Variants in SPTB observed in about 807,000 individuals in gnomAD.
The protein encoded by SPTB is spectrin beta chain, erythrocytic.
SPTB carries 45 observed loss-of-function variants against 256.2 expected under a neutral mutation model. That is an observed-to-expected ratio of 0.18 (90% CI 0.14 to 0.23). SPTB has a LOEUF of 0.23. Ranked by LOEUF, SPTB falls within the 10% of genes least tolerant of loss-of-function variation. The probability of loss-of-function intolerance (pLI) is 1.00; values close to 1 mark genes in which losing one functional copy is unlikely to be tolerated. For synonymous variants in SPTB, 1,231 were observed against 1,243.1 expected (o/e 0.99, Z 0.21); for missense variants, 2,715 against 3,040.4 (o/e 0.89, Z 2.52).
intron 2 of SPTB, among the ~76,000 whole-genome samples, chr14:64,814,660 C>T (rs1365287555): frequency 6.6e-6 from 1 of 152,152 alleles, no homozygotes; most frequent in Non-Finnish European, 1.5e-5. Context: ...GGATCACAGG[C>T]ATGTGCCACC....
rs2082077130 is a variant in SPTB, at chr14:64,760,400, A to G, written c.6345+6326T>C. ...ACTGCACACAGACAACAAACTCCTC[A>G]GGCTCCCAGGAGAAACACAACCTGG... On this transcript the variant is annotated intron_variant, in intron 32 of 35. Transcript: ENST00000644917. The surrounding 1 kb of genome is among the most constrained non-coding windows in gnomAD (Gnocchi z 4.3). Among the ~76,000 whole-genome samples, 1 of 152,154 alleles carries G rather than the reference A, an allele frequency of 6.6e-6. No homozygotes were observed. Among genetic ancestry groups the G allele is most frequent in the South Asian group, 2.1e-4 (1 of 4,824 alleles).
chr14:64,760,812 C>T lies in SPTB; in HGVS notation c.6345+5914G>A, dbSNP rs559050813. 2.0e-5 allele frequency among the ~76,000 whole-genome samples: 3 copies of T among 152,150 alleles called. No homozygotes were observed. The highest frequency in any genetic ancestry group is 6.5e-5 in the Admixed American group (1 of 15,274). Reference sequence around the variant, plus strand: ...GTTACAAATGAGGGAAACTGGGGGTCGTACAGAATGAGTGACCTGTCCATA... The same window carrying T: ...GTTACAAATGAGGGAAACTGGGGGTTGTACAGAATGAGTGACCTGTCCATA... On this transcript the variant is annotated intron_variant, in intron 32 of 35. Coordinates refer to ENST00000644917, the MANE Select transcript of SPTB (RefSeq NM_001355436.2). This position sits in a 1 kb window ranked among gnomAD's most constrained non-coding sequence, Gnocchi z 4.3.
chr14:64,836,241 C>G (rs2083520026), intron 1 of SPTB, among the ~76,000 whole-genome samples: 1 of 152,124 alleles, frequency 6.6e-6, no homozygotes, highest in African/African-American at 2.4e-5. Context: ...GTAGCCTCCC[C>G]CTCTATTTAC....
At position 64,795,907 on chromosome 14, in the gene SPTB, G is replaced by A. The variant is rs2139604511; in HGVS notation, c.1342-268C>T. On this transcript the variant is annotated intron_variant, in intron 11 of 35. Coordinates refer to ENST00000644917, the MANE Select transcript of SPTB (RefSeq NM_001355436.2). This position sits in a 1 kb window ranked among gnomAD's most constrained non-coding sequence, Gnocchi z 6.5. The stretch of plus-strand genomic sequence containing the variant: ...ATGCAGCCTGCGTGTTACTAATGGA[G>A]CCCCTTGGCAGCCTGCTGGCACTCC... Among the ~76,000 whole-genome samples, 1 of 152,290 alleles carries A rather than the reference G, an allele frequency of 6.6e-6. No homozygotes were observed.
chr14:64,786,418 T>C lies in SPTB; in HGVS notation c.3547A>G (p.Ile1183Val), dbSNP rs1007738752. Residue 1183 changes from isoleucine to valine, a missense_variant, in exon 16 of 36, where the codon ATC becomes GTC. Ile to Val is a conservative substitution (Grantham distance 29). Coordinates refer to ENST00000644917, the MANE Select transcript of SPTB (RefSeq NM_001355436.2). The surrounding 1 kb of genome is among the most constrained non-coding windows in gnomAD (Gnocchi z 5.6). ...TGCCTCTCTACCTGGTTGCTGAGGA[T>C]GGCTTCAGCCTGCTTGGCATCTTTC... is the stretch of plus-strand genomic sequence containing the variant. ...FQKDAKQAEA[I>V]LSNQEYTLAH... 5.0e-6 allele frequency: 8 copies of C among 1,613,972 alleles called. No individual in the cohort carries two copies. The highest frequency in any genetic ancestry group is 6.8e-6 in the Non-Finnish European group (8 of 1,180,028).
At position 64,824,927 on chromosome 14, in the gene SPTB, T is replaced by C. The variant is rs746101989; in HGVS notation, c.-51-1782A>G. On this transcript the variant is annotated intron_variant, in intron 1 of 35. Coordinates refer to ENST00000644917, the MANE Select transcript of SPTB (RefSeq NM_001355436.2). This position sits in a 1 kb window ranked among gnomAD's most constrained non-coding sequence, Gnocchi z 5.7. Reference sequence around the variant, plus strand: ...GCCAGGATTACCCACCCTAATTGCCTTGGGAGAAAAACCAAGGCCTGCTGC... The same window carrying C: ...GCCAGGATTACCCACCCTAATTGCCCTGGGAGAAAAACCAAGGCCTGCTGC... Among the ~76,000 whole-genome samples, 31 of 152,182 alleles carry C rather than the reference T, an allele frequency of 2.0e-4. No homozygotes were observed. Among genetic ancestry groups the C allele is most frequent in the Non-Finnish European group, 3.2e-4 (22 of 67,986 alleles).
At chr14:64,863,600 T>A (rs1420582422) in intron 1 of SPTB, among the ~76,000 whole-genome samples, 3 of 152,230 alleles carry the variant, frequency 2.0e-5, no homozygotes, top group Admixed American at 2.0e-4. Flanking sequence ...GAGCAGCTGC[T>A]TCTTGTCCCC....
chr14:64,838,170 C>T (rs566139376), intron 1 of SPTB, among the ~76,000 whole-genome samples: 35 of 152,142 alleles, frequency 2.3e-4, no homozygotes, highest in Non-Finnish European at 3.8e-4. Flanking sequence ...AAAGGATAGT[C>T]TTTTTAACAA....
intron 9 of SPTB, among the ~76,000 whole-genome samples, chr14:64,799,460 A>C (rs1449198555): frequency 1.3e-5 from 2 of 152,150 alleles, no homozygotes; most frequent in Non-Finnish European, 2.9e-5. Context: ...CTTCAAAGAG[A>C]CTCAGAAGCC....
In SPTB at chr14:64,852,037, T is replaced by A. The variant is rs1325796484; in HGVS notation, c.-52+27755A>T. ...CCCCGGAACTTAAAATAAAAATATT[T>A]AAAAAGCCCCCAGTAGCTTGCAGTT... On this transcript the variant is annotated intron_variant, in intron 1 of 35. Transcript: ENST00000644917. The surrounding 1 kb of genome is among the most constrained non-coding windows in gnomAD (Gnocchi z 4.2). Among the ~76,000 whole-genome samples the A allele has an allele frequency of 6.6e-6, 1 of 152,082 alleles. No homozygotes were observed. The highest frequency in any genetic ancestry group is 1.5e-5 in the Non-Finnish European group (1 of 68,008).
chr14:64,833,118 AG>A (rs894685302), intron 1 of SPTB, among the ~76,000 whole-genome samples: 4 of 152,174 alleles, frequency 2.6e-5, no homozygotes, highest in Non-Finnish European at 5.9e-5. Context: ...ATCTAGCCAT[AG>A]GAACTCCATT....
In SPTB at chr14:64,775,372, G is replaced by A. The variant is rs200639803; in HGVS notation, c.4595C>T (p.Pro1532Leu). 1.8e-4 allele frequency: 293 copies of A among 1,613,062 alleles called. 2 individuals carry two copies. The highest frequency in any genetic ancestry group is 9.9e-4 in the Middle Eastern group (6 of 6,060). ...TCTCTGCAGCACATCCTCAACCCGC[G>A]GCGTATGGCCCAGAATCTCATTCTG... The part of the protein sequence containing the change: ...TLQNEILGHT[P>L]RVEDVLQRGQ... The change falls in exon 23 of 36, where the codon CCG becomes CTG. Residue 1532 changes from proline to leucine, a missense_variant. This residue lies in a region of SPTB where 2,239 missense variants were observed against 2,384.4 expected (regional missense o/e 0.94). Transcript: ENST00000644917. The surrounding 1 kb of genome is among the most constrained non-coding windows in gnomAD (Gnocchi z 5.0).
At position 64,772,695 on chromosome 14, in the gene SPTB, A is replaced by T; in HGVS notation, c.5438T>A (p.Ile1813Asn). Residue 1813 changes from isoleucine (I) to asparagine (N), a missense_variant, in exon 26 of 36, where the codon ATC (isoleucine) becomes AAC (asparagine). Physicochemically the swap from Ile to Asn is moderately radical, Grantham distance 149. Transcript: ENST00000644917. This position sits in a 1 kb window ranked among gnomAD's most constrained non-coding sequence, Gnocchi z 5.4. ...GGGCAGCTCGCGGTGCTTCTCGTCG[A>T]TGAGGCCCAGGATCTCGGCACCCGT... ...FYTGAEILGL[I>N]DEKHRELPED... 1.2e-6 allele frequency: 2 copies of T among 1,613,798 alleles called. No individual in the cohort carries two copies. The highest frequency in any genetic ancestry group is 1.7e-6 in the Non-Finnish European group (2 of 1,179,956).
chr14:64,810,594 C>T (rs1382330448), intron 2 of SPTB, among the ~76,000 whole-genome samples: 1 of 152,064 alleles, frequency 6.6e-6, no homozygotes, highest in African/African-American at 2.4e-5. Context: ...GCATGAGAAT[C>T]GCTTGAACTT....
At position 64,758,324 on chromosome 14, in the gene SPTB, G is replaced by C. The variant is rs571897730; in HGVS notation, c.6346-4531C>G. ...GCAAGGCCTCAGCCCCTCCTTTCTC[G>C]GCCAGTTTCAGTTGGAACATTCTGA... On this transcript the variant is annotated intron_variant, in intron 32 of 35. Transcript: ENST00000644917. The surrounding 1 kb of genome is among the most constrained non-coding windows in gnomAD (Gnocchi z 4.6). Among the ~76,000 whole-genome samples, 5 of 152,228 alleles carry C rather than the reference G, an allele frequency of 3.3e-5. No homozygotes were observed. Among genetic ancestry groups the C allele is most frequent in the Non-Finnish European group, 7.3e-5 (5 of 68,038 alleles).
chr14:64,749,189 C>T lies in SPTB; in HGVS notation c.*117G>A, dbSNP rs996925338. On this transcript the variant is annotated 3_prime_UTR_variant, in exon 36 of 36. Coordinates refer to ENST00000644917, the MANE Select transcript of SPTB (RefSeq NM_001355436.2). The surrounding 1 kb of genome is among the most constrained non-coding windows in gnomAD (Gnocchi z 4.7). The stretch of plus-strand genomic sequence containing the variant: ...CAGTGCAGCGTGGGGCCCGGGGGCC[C>T]GGCCCGCGACTCGACTCATCTCGAT... 43 of 1,299,956 alleles carry T rather than the reference C, an allele frequency of 3.3e-5. No homozygotes were observed. The highest frequency in any genetic ancestry group is 6.7e-5 in the Admixed American group (3 of 44,778). The allele number at this position is 1,299,956 out of a possible 1,614,324, so 80.5% of individuals were successfully genotyped here.
rs951568874 is a variant in SPTB at position 64,754,097 on chromosome 14, C to A, written c.6346-304G>T. Reference sequence around the variant, plus strand: ...AGGTTCTCAGAGTGAGCCAAAGGGGCCTGAGTGATTATTTCATTAAAGGGG... The same window carrying A: ...AGGTTCTCAGAGTGAGCCAAAGGGGACTGAGTGATTATTTCATTAAAGGGG... On this transcript the variant is annotated intron_variant, in intron 32 of 35. Coordinates refer to ENST00000644917, the MANE Select transcript of SPTB (RefSeq NM_001355436.2). 17 of 509,270 alleles carry A rather than the reference C, an allele frequency of 3.3e-5. No homozygotes were observed. In the East Asian group the frequency reaches 5.4e-4, roughly 16 times the overall value. The allele number at this position is 509,270 out of a possible 1,614,324, so 31.5% of individuals were successfully genotyped here.
At position 64,808,000 on chromosome 14, in the gene SPTB, G is replaced by A. The variant is rs229577; in HGVS notation, c.149-2910C>T. Among the ~76,000 whole-genome samples, 10,138 of 152,278 alleles carry A rather than the reference G, an allele frequency of 0.067. 1,157 individuals carry two copies. The highest frequency in any genetic ancestry group is 0.23 in the African/African-American group (9,599 of 41,528). Reference sequence around the variant, plus strand: ...CAGCCTCTGCTGCCATCAAACCCCGGCATCTCATTCCTCTCTGTTCCTCTT... The same window carrying A: ...CAGCCTCTGCTGCCATCAAACCCCGACATCTCATTCCTCTCTGTTCCTCTT... On this transcript the variant is annotated intron_variant, in intron 2 of 35. Transcript: ENST00000644917. The surrounding 1 kb of genome is among the most constrained non-coding windows in gnomAD (Gnocchi z 4.7).
chr14:64,785,515 C>T lies in SPTB; in HGVS notation c.3855+22G>A. On this transcript the variant is annotated intron_variant, in intron 18 of 35. Coordinates refer to ENST00000644917, the MANE Select transcript of SPTB (RefSeq NM_001355436.2). This position sits in a 1 kb window ranked among gnomAD's most constrained non-coding sequence, Gnocchi z 4.4. The stretch of plus-strand genomic sequence containing the variant: ...TAGAAAGGAATCTCCAGGAAAGCAG[C>T]CACTCCTTGCTGGAGCCTCACCTCC... The T allele has an allele frequency of 1.3e-6, 2 of 1,599,924 alleles. No homozygotes were observed. The highest frequency in any genetic ancestry group is 8.5e-7 in the Non-Finnish European group (1 of 1,172,196).
Sources: allele counts gnomAD v4.1 joint callset (sites outside exome capture counted in the v4.1 genomes callset), GRCh38; gene constraint gnomAD v4.1.1; regional missense constraint gnomAD v4.1.1; non-coding constraint Gnocchi (gnomAD v3.1); transcripts MANE v1.5; gene names NCBI Gene and HGNC (gene_info 2026-07-23, HGNC 2026-07-21).